Variants in VSTM2L observed in about 807,000 individuals in gnomAD.
The protein encoded by VSTM2L is V-set and transmembrane domain containing 2 like.
VSTM2L carries 9 observed loss-of-function variants against 19.9 expected under a neutral mutation model. The observed-to-expected ratio is 0.45, with a 90% confidence interval of 0.27 to 0.79. The LOEUF is 0.79. Among genes scored for constraint, VSTM2L ranks in the 30% least tolerant of loss-of-function variants. The pLI, the probability that VSTM2L is intolerant of heterozygous loss-of-function variation, is 0.15. For synonymous variants in VSTM2L, 127 were observed against 133.8 expected (o/e 0.95, Z 0.35); for missense variants, 286 against 295.5 (o/e 0.97, Z 0.24).
intron 3 of VSTM2L, among the ~76,000 whole-genome samples, chr20:37,940,879 C>T (rs767056700): frequency 4.6e-5 from 7 of 152,200 alleles, no homozygotes; most frequent in Non-Finnish European, 1.0e-4. Flanking sequence ...TGTGAGAACT[C>T]ACTCACTATC....
rs186253936 is a variant in VSTM2L at position 37,929,704 on chromosome 20, C to A, written c.122-1931C>A. On this transcript the variant is annotated intron_variant, in intron 1 of 3. Transcript: ENST00000373461. Reference sequence around the variant, plus strand: ...AGGTGAGAGAGGATGGCAGCTTGGCCCCAGGAAGGCAGTGGAGGTGGGGAG... The same window carrying A: ...AGGTGAGAGAGGATGGCAGCTTGGCACCAGGAAGGCAGTGGAGGTGGGGAG... Among the ~76,000 whole-genome samples, 555 of 152,148 alleles carry A rather than the reference C, an allele frequency of 3.6e-3. 5 individuals carry two copies. The highest frequency in any genetic ancestry group is 0.011 in the African/African-American group (453 of 41,500).
intron 1 of VSTM2L, among the ~76,000 whole-genome samples, chr20:37,929,031 T>A (rs370495691): frequency 2.6e-5 from 4 of 152,204 alleles, no homozygotes; most frequent in East Asian, 3.8e-4. Context: ...ACCCTCCTCA[T>A]GGCAGAAAGT....
intron 1 of VSTM2L, among the ~76,000 whole-genome samples, chr20:37,925,304 C>T (rs1018172385): frequency 5.3e-5 from 8 of 152,128 alleles, no homozygotes; most frequent in African/African-American, 1.9e-4. Flanking sequence ...CTTAGGACAT[C>T]TATCACTTTC....
chr20:37,917,178 G>A (rs948972298), intron 1 of VSTM2L, among the ~76,000 whole-genome samples: 1 of 152,128 alleles, frequency 6.6e-6, no homozygotes, highest in Non-Finnish European at 1.5e-5. Context: ...GTCAGGCGTG[G>A]TGGAGGCCGC....
At chr20:37,917,725 C>T (rs1051698863) in intron 1 of VSTM2L, among the ~76,000 whole-genome samples, 17 of 152,326 alleles carry the variant, frequency 1.1e-4, no homozygotes, top group Admixed American at 2.6e-4. Context: ...TTAGCCACCA[C>T]ACCAGCACTT....
At chr20:37,929,377 T>C (rs1047541668) in intron 1 of VSTM2L, among the ~76,000 whole-genome samples, 2 of 152,160 alleles carry the variant, frequency 1.3e-5, no homozygotes, top group Admixed American at 6.5e-5. Flanking sequence ...TGGAAGGCCC[T>C]GTCAGCCATC....
intron 3 of VSTM2L, among the ~76,000 whole-genome samples, chr20:37,938,198 G>T (rs11698316): frequency 7.2e-5 from 11 of 152,122 alleles, no homozygotes; most frequent in Non-Finnish European, 5.9e-5. Flanking sequence ...AAGGGGTCCA[G>T]TGGTGTTTAG....
At chr20:37,907,154 T>C (rs942344531) in intron 1 of VSTM2L, among the ~76,000 whole-genome samples, 12 of 152,224 alleles carry the variant, frequency 7.9e-5, no homozygotes, top group African/African-American at 2.7e-4. Flanking sequence ...TTGACCAGGC[T>C]CGAGTGCAGT....
intron 1 of VSTM2L, among the ~76,000 whole-genome samples, chr20:37,925,110 A>G (rs984002684): frequency 6.6e-6 from 1 of 151,962 alleles, no homozygotes; most frequent in African/African-American, 2.4e-5. Flanking sequence ...GATGCTCAGG[A>G]AAGGAAATGG....
intron 1 of VSTM2L, among the ~76,000 whole-genome samples, chr20:37,920,523 A>G (rs1378885795): frequency 6.6e-6 from 1 of 152,180 alleles, no homozygotes; most frequent in Non-Finnish European, 1.5e-5. Flanking sequence ...GGGCCATCTC[A>G]GGGGGAGCCT....
At chr20:37,938,426 C>T (rs1373697600) in intron 3 of VSTM2L, among the ~76,000 whole-genome samples, 3 of 152,192 alleles carry the variant, frequency 2.0e-5, no homozygotes, top group Middle Eastern at 3.2e-3. Context: ...CATCTGACCC[C>T]TATTCCTCAC....
chr20:37,942,975 A>T (rs929433050), intron 3 of VSTM2L, among the ~76,000 whole-genome samples: 1 of 151,892 alleles, frequency 6.6e-6, no homozygotes, highest in Non-Finnish European at 1.5e-5. Context: ...TTATTTATTT[A>T]TTTTTTTGAG....
intron 1 of VSTM2L, among the ~76,000 whole-genome samples, chr20:37,927,858 G>A (rs946822304): frequency 2.6e-5 from 4 of 152,084 alleles, no homozygotes; most frequent in East Asian, 3.9e-4. Flanking sequence ...CCGTGCCCCC[G>A]CCCACCACAC....
In VSTM2L at chr20:37,903,309, C is replaced by T; in HGVS notation, c.-42C>T. On this transcript the variant is annotated 5_prime_UTR_variant, in exon 1 of 4. Transcript: ENST00000373461. ...GGCGCCGGTTCTGCGGTCTCCGGGG[C>T]CCAGATGTGAGGCGGCGGCGCCCCC... 3 of 1,398,866 alleles carry T rather than the reference C, an allele frequency of 2.1e-6. No individual in the cohort carries two copies. The highest frequency in any genetic ancestry group is 3.1e-5 in the South Asian group (2 of 64,258). The allele number at this position is 1,398,866 out of a possible 1,614,324, so 86.7% of individuals were successfully genotyped here. A position where few individuals can be genotyped will look rare whatever the true frequency, so the allele number is the denominator to read the frequency against.
At chr20:37,905,273 C>T (rs144046447) in intron 1 of VSTM2L, among the ~76,000 whole-genome samples, 64 of 152,148 alleles carry the variant, frequency 4.2e-4, no homozygotes, top group African/African-American at 1.5e-3. Flanking sequence ...TTTGCAGTCC[C>T]GAGGGGTATG....
chr20:37,923,444 T>C (rs2072863221), intron 1 of VSTM2L, among the ~76,000 whole-genome samples: 1 of 152,178 alleles, frequency 6.6e-6, no homozygotes, highest in South Asian at 2.1e-4. Flanking sequence ...AGAAAGAAGA[T>C]GTTGCATTCA....
chr20:37,908,544 G>A (rs760816897), intron 1 of VSTM2L, among the ~76,000 whole-genome samples: 2 of 152,178 alleles, frequency 1.3e-5, no homozygotes, highest in Admixed American at 6.5e-5. Flanking sequence ...TGGGCACGGC[G>A]GCTCATGCCT....
intron 3 of VSTM2L, among the ~76,000 whole-genome samples, chr20:37,939,260 G>T (rs574367924): frequency 1.6e-4 from 24 of 152,024 alleles, no homozygotes; most frequent in African/African-American, 5.5e-4. Context: ...ACAAAAATTG[G>T]CCAGGAGTGG....
chr20:37,925,366 C>T (rs908033318), intron 1 of VSTM2L, among the ~76,000 whole-genome samples: 2 of 152,136 alleles, frequency 1.3e-5, no homozygotes, highest in African/African-American at 2.4e-5. Context: ...AGGACTAACC[C>T]GAACTGTACA....
Sources: gnomAD v4.1 joint callset for allele counts (sites outside exome capture counted in the v4.1 genomes callset) on GRCh38, gnomAD v4.1.1 for gene constraint, MANE v1.5 for transcripts, NCBI Gene and HGNC (gene_info 2026-07-23, HGNC 2026-07-21) for gene names.